Variants in TNFAIP8L3 observed in about 807,000 individuals in gnomAD.
TNFAIP8L3 encodes the protein TNF alpha induced protein 8 like 3.
A neutral mutation model predicts 11.8 loss-of-function variants in TNFAIP8L3; 7 were observed. The observed-to-expected ratio is 0.59, with a 90% CI of 0.34 to 1.11. The LOEUF (loss-of-function observed/expected upper bound fraction) is 1.11. Among genes scored for constraint, TNFAIP8L3 ranks in the 50% most tolerant of loss-of-function variants. The pLI is 0.03. For synonymous variants in TNFAIP8L3, 98 were observed against 103.8 expected, an observed-to-expected ratio of 0.94 and a Z score of 0.34; for missense variants, 219 against 258.6, an observed-to-expected ratio of 0.85 and a Z score of 1.05.
At chr15:51,093,006 T>C (rs1369107464) in intron 1 of TNFAIP8L3, among the ~76,000 whole-genome samples, 1 of 152,188 alleles carries the variant, frequency 6.6e-6, no homozygotes, top group Admixed American at 6.5e-5. Flanking sequence ...AGGGTCAATG[T>C]CCCCTTCCCG....
intron 1 of TNFAIP8L3, among the ~76,000 whole-genome samples, chr15:51,087,861 C>T (rs1322453029): frequency 6.9e-6 from 1 of 144,482 alleles, no homozygotes; most frequent in Non-Finnish European, 1.5e-5. Context: ...TGTCCCATGC[C>T]ATTGCCTAAA....
At chr15:51,102,756 C>T (rs1324881269) in intron 1 of TNFAIP8L3, among the ~76,000 whole-genome samples, 1 of 152,180 alleles carries the variant, frequency 6.6e-6, no homozygotes, top group African/African-American at 2.4e-5. Flanking sequence ...CCCTTCTACT[C>T]CAGCCCAGGA....
chr15:51,105,010 C>T, exon 1 of TNFAIP8L3: 3 of 1,614,154 alleles, frequency 1.9e-6, no homozygotes, highest in Non-Finnish European at 2.5e-6. Context: ...CTGACCAAGT[C>T]CCTTTCCCCT....
At chr15:51,098,642 A>G (rs2065529636), upstream of TNFAIP8L3, among the ~76,000 whole-genome samples, 1 of 152,264 alleles carries the variant, frequency 6.6e-6, no homozygotes, top group Non-Finnish European at 1.5e-5. Flanking sequence ...AATGCAGATT[A>G]CTAGAAAAAT....
intron 1 of TNFAIP8L3, among the ~76,000 whole-genome samples, chr15:51,103,252 A>G (rs2065566602): frequency 6.6e-6 from 1 of 152,196 alleles, no homozygotes; most frequent in African/African-American, 2.4e-5. Flanking sequence ...TTCTCTGAGG[A>G]GGCATAAGTT....
At chr15:51,071,145 A>T (rs988876819) in intron 1 of TNFAIP8L3, among the ~76,000 whole-genome samples, 1 of 149,380 alleles carries the variant, frequency 6.7e-6, no homozygotes, top group African/African-American at 2.4e-5. Flanking sequence ...GCCTAAAAAC[A>T]TATACATAAA....
intron 1 of TNFAIP8L3, among the ~76,000 whole-genome samples, chr15:51,082,496 T>C (rs2065399437): frequency 2.0e-5 from 3 of 152,216 alleles, no homozygotes; most frequent in Non-Finnish European, 4.4e-5. Flanking sequence ...TACACTACTA[T>C]AGACTTTATC....
intron 1 of TNFAIP8L3, among the ~76,000 whole-genome samples, chr15:51,076,898 G>T (rs1252872849): frequency 6.6e-6 from 1 of 152,176 alleles, no homozygotes; most frequent in Non-Finnish European, 1.5e-5. Flanking sequence ...ATGATAAATT[G>T]AATTTTTGTC....
chr15:51,105,191 C>G (rs1284568697), exon 1 of TNFAIP8L3: 1 of 1,612,372 alleles, frequency 6.2e-7, no homozygotes, highest in East Asian at 2.2e-5. Context: ...ACTCAGGTGT[C>G]CTTCTTGGGA....
intron 1 of TNFAIP8L3, among the ~76,000 whole-genome samples, chr15:51,066,209 C>T (rs2065270602): frequency 6.8e-6 from 1 of 147,046 alleles, no homozygotes. Flanking sequence ...GTCGCCCAGG[C>T]TGGAGGGCAG....
At chr15:51,077,687 G>A (rs533337683) in intron 1 of TNFAIP8L3, among the ~76,000 whole-genome samples, 7 of 152,318 alleles carry the variant, frequency 4.6e-5, no homozygotes, top group South Asian at 2.1e-4. Context: ...GCAACCCAGA[G>A]GGAGAACACC....
intron 1 of TNFAIP8L3, among the ~76,000 whole-genome samples, chr15:51,070,442 AC>A (rs2065300619): frequency 6.6e-6 from 1 of 152,262 alleles, no homozygotes; most frequent in African/African-American, 2.4e-5. Flanking sequence ...TGCTTTATGC[AC>A]AGTTAAGCCA....
intron 1 of TNFAIP8L3, among the ~76,000 whole-genome samples, chr15:51,101,925 G>A (rs1443943620): frequency 5.8e-5 from 7 of 120,616 alleles, no homozygotes; most frequent in African/African-American, 1.0e-4. Flanking sequence ...CAGCCTGGGC[G>A]ACAGAGCAAG....
chr15:51,104,788 G>A (rs1033153408), intron 1 of TNFAIP8L3, among the ~76,000 whole-genome samples: 2 of 152,216 alleles, frequency 1.3e-5, no homozygotes, highest in East Asian at 3.8e-4. Flanking sequence ...GTGAATCAAT[G>A]TTGAGTAATT....
chr15:51,063,672 A>G (rs534235913), intron 1 of TNFAIP8L3, among the ~76,000 whole-genome samples: 1 of 152,332 alleles, frequency 6.6e-6, no homozygotes, highest in South Asian at 2.1e-4. Context: ...GTGGCTATGT[A>G]GCAAGTGCTA....
intron 1 of TNFAIP8L3, among the ~76,000 whole-genome samples, chr15:51,071,050 C>CAAAAAAAAAA (rs55991711): frequency 8.5e-4 from 27 of 31,798 alleles, no homozygotes; most frequent in East Asian, 2.4e-3. Context: ...GACTCCGTCT[C>CAAAAAAAAAA]AAAAAAAAAA....
chr15:51,099,441 G>A (rs2140985922), upstream of TNFAIP8L3, among the ~76,000 whole-genome samples: 1 of 152,304 alleles, frequency 6.6e-6, no homozygotes, highest in South Asian at 2.1e-4. Flanking sequence ...GGGAAATTGA[G>A]AAGGAGAAAG....
At chr15:51,099,510 TAG>T (rs1237426111), upstream of TNFAIP8L3, among the ~76,000 whole-genome samples, 1 of 152,216 alleles carries the variant, frequency 6.6e-6, no homozygotes, top group Non-Finnish European at 1.5e-5. Context: ...TGTTGTGCCC[TAG>T]CCCAACCCTA....
intron 1 of TNFAIP8L3, among the ~76,000 whole-genome samples, chr15:51,102,001 C>G (rs2065556601): frequency 6.6e-6 from 1 of 151,188 alleles, no homozygotes; most frequent in South Asian, 2.1e-4. Flanking sequence ...AAAATATTTT[C>G]CTAGTTAGAC....
Sources: allele counts gnomAD v4.1 joint callset (sites outside exome capture counted in the v4.1 genomes callset), GRCh38; gene constraint gnomAD v4.1.1; transcripts MANE v1.5; gene names NCBI Gene and HGNC (gene_info 2026-07-23, HGNC 2026-07-21).